The following CDC45 variants were observed in gnomAD, a reference collection of about 807,000 sequenced individuals.
CDC45 encodes cell division cycle 45, also known as cell division control protein 45 homolog.
Under a neutral mutation model 77.8 loss-of-function variants are expected in CDC45, and 54 were observed. That is an observed-to-expected ratio of 0.69 (90% CI 0.56 to 0.87). CDC45 has a LOEUF of 0.87. Among genes scored for constraint, CDC45 ranks in the 40% least tolerant of loss-of-function variants. CDC45 has a pLI of 0.00. For synonymous variants in CDC45, 260 were observed against 272.1 expected (o/e 0.96, Z 0.44); for missense variants, 649 against 721.6 (o/e 0.90, Z 1.15).
chr22:19,502,710 G>A (rs1306853803), intron 9 of CDC45, among the ~76,000 whole-genome samples: 2 of 152,196 alleles, frequency 1.3e-5, no homozygotes, highest in Non-Finnish European at 2.9e-5. Flanking sequence ...AGTTTCTATA[G>A]CAGTTTGATT....
intron 10 of CDC45, among the ~76,000 whole-genome samples, chr22:19,506,366 A>G (rs1933176439): frequency 6.6e-6 from 1 of 150,728 alleles, no homozygotes; most frequent in Non-Finnish European, 1.5e-5. Context: ...TTACCCAGGG[A>G]CCATGGGAGT....
Position 19,497,407 on chromosome 22 carries a change from C to A in CDC45, c.613C>A (p.Leu205Met). Residue 205 changes from leucine (L) to methionine (M), a missense_variant, in exon 8 of 19, where the codon CTG (leucine) becomes ATG (methionine). Transcript: ENST00000263201. ...ACAGTCAGCCATGGTGATGTTTGAG[C>A]TGGCTTGGATGCTGTCCAAGGACCT... ...GTSSAMVMFE[L>M]AWMLSKDLND... The A allele has an allele frequency of 1.2e-6, 2 of 1,614,114 alleles. No individual in the cohort carries two copies. The highest frequency in any genetic ancestry group is 8.5e-7 in the Non-Finnish European group (1 of 1,179,986).
Position 19,495,973 on chromosome 22 carries a change from C to A in CDC45, c.543-8C>A. On this transcript the variant is annotated splice_region_variant and splice_polypyrimidine_tract_variant and intron_variant, in intron 6 of 18. Transcript: ENST00000263201. The stretch of plus-strand genomic sequence containing the variant: ...CCTGTTGAAGACCTGCATTTTATGT[C>A]ATTACAGAAGAGACATCCTCTTTGA... 1 of 1,607,722 alleles carries A rather than the reference C, an allele frequency of 6.2e-7. No individual in the cohort carries two copies. Among genetic ancestry groups the A allele is most frequent in the South Asian group, 1.1e-5 (1 of 90,846 alleles).
chr22:19,501,707 TTTA>T (rs1220575547), intron 9 of CDC45, among the ~76,000 whole-genome samples: 4 of 152,126 alleles, frequency 2.6e-5, no homozygotes, highest in African/African-American at 9.7e-5. Context: ...TTCAAATTAT[TTTA>T]TTGTTAACCT....
intron 7 of CDC45, 111 bp downstream of exon 7, chr22:19,496,140 T>A (rs1470227947): frequency 2.6e-6 from 2 of 760,708 alleles, no homozygotes. Flanking sequence ...GGTTTGAATC[T>A]GAGCTCCATG....
At chr22:19,492,528 C>G (rs761683643) in intron 5 of CDC45, among the ~76,000 whole-genome samples, 1 of 152,032 alleles carries the variant, frequency 6.6e-6, no homozygotes, top group Non-Finnish European at 1.5e-5. Flanking sequence ...TGTCATTGCT[C>G]GTTGAAGCAT....
chr22:19,511,918 G>GTTT (rs34362795), intron 13 of CDC45, among the ~76,000 whole-genome samples: 1 of 108,730 alleles, frequency 9.2e-6, no homozygotes, highest in Non-Finnish European at 1.9e-5. Context: ...TTCACTGGAG[G>GTTT]TTTTTTTTTT....
intron 6 of CDC45, chr22:19,494,697 A>T: frequency 1.1e-6 from 1 of 902,548 alleles, no homozygotes; most frequent in South Asian, 1.4e-5. Context: ...ATTTATAAGA[A>T]GTGCTCTAAA....
intron 8 of CDC45, 104 bp from the exon 9 acceptor site, chr22:19,498,997 C>T: frequency 8.0e-7 from 1 of 1,257,214 alleles, no homozygotes; most frequent in Non-Finnish European, 1.2e-6. Flanking sequence ...GGACATTCCC[C>T]AGAGTGCTGA....
intron 5 of CDC45, among the ~76,000 whole-genome samples, chr22:19,489,170 T>TAAAG (rs2090118207): frequency 6.6e-6 from 1 of 152,176 alleles, no homozygotes; most frequent in African/African-American, 2.4e-5. Flanking sequence ...AGACTATCTC[T>TAAAG]AAAGAAAAGA....
At chr22:19,494,236 T>G (rs1207222503) in intron 5 of CDC45, 91 bp from the exon 6 acceptor site, 1 of 1,145,636 alleles carries the variant, frequency 8.7e-7, no homozygotes, top group Non-Finnish European at 1.3e-6. Flanking sequence ...CTGGGCCTAC[T>G]GACTTCTGCC....
rs1396430767 is a variant in CDC45 at position 19,520,237 on chromosome 22, G to T, written c.*2-244G>T. 1.3e-5 allele frequency among the ~76,000 whole-genome samples: 2 copies of T among 152,102 alleles called. No homozygotes were observed. Among genetic ancestry groups the T allele is most frequent in the Non-Finnish European group, 2.9e-5 (2 of 67,994 alleles). Reference sequence around the variant, plus strand: ...TGCCAGGGGGCTGGCTGAGCAGCTGGGCGGGGTCCGTGAGGTAAGAAGGTG... The same window carrying T: ...TGCCAGGGGGCTGGCTGAGCAGCTGTGCGGGGTCCGTGAGGTAAGAAGGTG... On this transcript the variant is annotated intron_variant, in intron 18 of 18. Coordinates refer to ENST00000263201, the MANE Select transcript of CDC45 (RefSeq NM_003504.5). This position sits in a 1 kb window ranked among gnomAD's most constrained non-coding sequence, Gnocchi z 4.5.
rs1353770557 is a variant in CDC45, at chr22:19,480,182, G to T, written c.76G>T (p.Asp26Tyr). ...GAGGGTCCTTCTCTTCGTGGCCTCGGACGTGGATGCTCTGTGTGCGTGCAA... is the reference window on the plus strand; with the variant it reads ...GAGGGTCCTTCTCTTCGTGGCCTCGTACGTGGATGCTCTGTGTGCGTGCAA... ...SQRVLLFVAS[D>Y]VDALCACKIL... is the part of the protein sequence containing the mutation. Residue 26 changes from aspartate to tyrosine, a missense_variant, in exon 2 of 19, where the codon GAC becomes TAC. By Grantham distance (160) the Asp-to-Tyr change is radical. Transcript: ENST00000263201. The T allele has an allele frequency of 2.5e-6, 4 of 1,614,032 alleles. No individual in the cohort carries two copies. The highest frequency in any genetic ancestry group is 3.4e-6 in the Non-Finnish European group (4 of 1,179,962).
rs532879256 is a variant in CDC45, at chr22:19,505,467, C to T, written c.810C>T (p.Ile270=). 6.2e-7 allele frequency: 1 copy of T among 1,614,026 alleles called. No homozygotes were observed. The highest frequency in any genetic ancestry group is 1.3e-5 in the African/African-American group (1 of 75,064). Residue 270 remains isoleucine, a synonymous_variant, in exon 10 of 19, where the codon ATC becomes ATT. Coordinates refer to ENST00000263201, the MANE Select transcript of CDC45 (RefSeq NM_003504.5). ...CACTCTCCGTGGACTGCACACGGAT[C>T]TCCTTTGAGTATGAGTATCCTTGTG... ...ENTLSVDCTR[I]SFEYDLRLVL...
chr22:19,505,283 C>T lies in CDC45; in HGVS notation c.705-79C>T, dbSNP rs370607253. 91 of 1,574,188 alleles carry T rather than the reference C, an allele frequency of 5.8e-5. No homozygotes were observed. In the East Asian group the frequency reaches 7.4e-4, roughly 13 times the overall value. The stretch of plus-strand genomic sequence containing the variant: ...GCAGGCCCCTGAGGAAGGCCTTGAG[C>T]GGGAATGGAGCCTAGGCTTAGGCTG... On this transcript the variant is annotated intron_variant, in intron 9 of 18. Coordinates refer to ENST00000263201, the MANE Select transcript of CDC45 (RefSeq NM_003504.5).
rs1305851107 is a variant in CDC45 at position 19,516,575 on chromosome 22, CT to C, written c.1490del (p.Leu497ArgfsTer8). On this transcript the variant is annotated frameshift_variant, in exon 16 of 19. Transcript: ENST00000263201. LOFTEE classifies it high-confidence loss of function. ...KLLPLVMAAP[L>X]SMEHGTVTVV... ...GCTGCCCCTGGTGATGGCTGCCCCC[CT>C]GAGCATGGAGCATGGCACAGTGACC... 2 of 1,614,070 alleles carry C rather than the reference CT, an allele frequency of 1.2e-6. No homozygotes were observed. The highest frequency in any genetic ancestry group is 1.3e-5 in the African/African-American group (1 of 75,012).
At chr22:19,517,420 C>T (rs1933862076) in intron 17 of CDC45, among the ~76,000 whole-genome samples, 1 of 152,250 alleles carries the variant, frequency 6.6e-6, no homozygotes, top group South Asian at 2.1e-4. Context: ...CTGCCCACTG[C>T]TTCCCCAGCA....
intron 10 of CDC45, among the ~76,000 whole-genome samples, chr22:19,506,975 C>T (rs1469821387): frequency 4.0e-5 from 6 of 151,592 alleles, no homozygotes; most frequent in Non-Finnish European, 8.8e-5. Flanking sequence ...GGGGGCGCTT[C>T]GTGGATGGGG....
chr22:19,487,769 G>A (rs1489416934), intron 5 of CDC45, among the ~76,000 whole-genome samples: 1 of 151,624 alleles, frequency 6.6e-6, no homozygotes, highest in Non-Finnish European at 1.5e-5. Flanking sequence ...AAAATTTCCC[G>A]GGCATGGTGG....
Sources: allele counts gnomAD v4.1 joint callset (sites outside exome capture counted in the v4.1 genomes callset), GRCh38; gene constraint gnomAD v4.1.1; non-coding constraint Gnocchi (gnomAD v3.1); transcripts MANE v1.5; gene names NCBI Gene and HGNC (gene_info 2026-07-23, HGNC 2026-07-21).